Variants in ANKFY1 observed in about 807,000 individuals in gnomAD.
The protein encoded by ANKFY1 is ankyrin repeat and FYVE domain-containing protein 1.
ANKFY1 carries 47 observed loss-of-function variants against 128.3 expected under a neutral mutation model. The ratio of observed to expected loss-of-function variants is 0.37; its 90% CI spans 0.29 to 0.47. The LOEUF (loss-of-function observed/expected upper bound fraction) is 0.47. ANKFY1 is among the 20% of genes least tolerant of loss of function. The pLI, the probability that ANKFY1 is intolerant of heterozygous loss-of-function variation, is 1.00. For synonymous variants in ANKFY1, 553 were observed against 601.6 expected (o/e 0.92, Z 1.18); for missense variants, 1,222 against 1,510.6 (o/e 0.81, Z 3.17).
chr17:4,200,210 C>T (rs2059903247), intron 7 of ANKFY1, among the ~76,000 whole-genome samples: 2 of 151,934 alleles, frequency 1.3e-5, no homozygotes, highest in African/African-American at 2.4e-5. Context: ...TACAGGTGCA[C>T]GCCAACATAC....
chr17:4,208,557 T>C (rs1020246365), intron 5 of ANKFY1, among the ~76,000 whole-genome samples: 1 of 152,236 alleles, frequency 6.6e-6, no homozygotes, highest in African/African-American at 2.4e-5. Flanking sequence ...GTCCCTATTA[T>C]TGCAGATCTC....
At chr17:4,256,434 A>G (rs943971463) in intron 1 of ANKFY1, among the ~76,000 whole-genome samples, 2 of 152,164 alleles carry the variant, frequency 1.3e-5, no homozygotes, top group Non-Finnish European at 2.9e-5. Context: ...TCTCAAAAAA[A>G]GAAAAAACTC....
chr17:4,249,877 C>T (rs556417205), intron 1 of ANKFY1, among the ~76,000 whole-genome samples: 12 of 150,964 alleles, frequency 7.9e-5, no homozygotes, highest in Non-Finnish European at 1.6e-4. Context: ...GCCTTACCTC[C>T]CTAACCTTCT....
At chr17:4,217,591 T>C (rs2060242188) in intron 3 of ANKFY1, among the ~76,000 whole-genome samples, 1 of 152,182 alleles carries the variant, frequency 6.6e-6, no homozygotes, top group Admixed American at 6.5e-5. Flanking sequence ...TGACTAAACT[T>C]TCGCAGTGGG....
intron 3 of ANKFY1, 65 bp downstream of exon 3, chr17:4,235,707 C>A: frequency 1.7e-6 from 2 of 1,161,128 alleles, no homozygotes; most frequent in Non-Finnish European, 2.6e-6. Flanking sequence ...AAATGAGACA[C>A]CACAACCTTC....
At position 4,226,049 on chromosome 17, in the gene ANKFY1, A is replaced by C. The variant is rs932775471; in HGVS notation, c.323-8931T>G. ...AAGTGTGGGATTACAGGCGTGAGCC[A>C]CTGAACTTGGCAAAAATTATTTTAA... On this transcript the variant is annotated intron_variant, in intron 3 of 24. Transcript: ENST00000341657. Among the ~76,000 whole-genome samples the C allele has an allele frequency of 5.8e-4, 88 of 152,362 alleles. 1 individual carries two copies. Among genetic ancestry groups the C allele is most frequent in the East Asian group, 9.6e-4 (5 of 5,186 alleles).
At chr17:4,200,950 T>C (rs571604814) in intron 7 of ANKFY1, among the ~76,000 whole-genome samples, 73 of 152,348 alleles carry the variant, frequency 4.8e-4, no homozygotes, top group Middle Eastern at 6.8e-3. Flanking sequence ...GTTGCCTGTA[T>C]TCCTGTGCCC....
rs1204533225 is a variant in ANKFY1, at chr17:4,197,575, C to G, written c.901G>C (p.Asp301His). 1 of 1,613,930 alleles carries G rather than the reference C, an allele frequency of 6.2e-7. No homozygotes were observed. The change falls in exon 8 of 25, where the codon GAT becomes CAT. Residue 301 changes from aspartate (D) to histidine (H), a missense_variant and splice_region_variant. Coordinates refer to ENST00000341657, the MANE Select transcript of ANKFY1 (RefSeq NM_001330063.2). ...ATGAGGAAAGTGGCAGCAAAGAGAT[C>G]TCCTTGAAAAGAAATAATAGAAGAA... ...SLLHKGIQRG[D>H]LFAATFLIKN...
intron 3 of ANKFY1, among the ~76,000 whole-genome samples, chr17:4,227,881 G>A (rs1281002662): frequency 1.3e-5 from 2 of 152,114 alleles, no homozygotes; most frequent in African/African-American, 4.8e-5. Flanking sequence ...CGTTAGTCAG[G>A]ATGTGAAGCA....
intron 3 of ANKFY1, among the ~76,000 whole-genome samples, chr17:4,219,124 AG>A (rs1322998009): frequency 6.6e-6 from 1 of 152,206 alleles, no homozygotes; most frequent in Non-Finnish European, 1.5e-5. Flanking sequence ...TTTTTATTTA[AG>A]GAACATGCAT....
intron 1 of ANKFY1, among the ~76,000 whole-genome samples, chr17:4,254,384 G>A (rs1968008283): frequency 6.8e-6 from 1 of 147,636 alleles, no homozygotes; most frequent in South Asian, 2.1e-4. Context: ...TGTGAACACA[G>A]AACAGAGAGA....
At chr17:4,242,141 T>C (rs540798971) in intron 2 of ANKFY1, 115 bp downstream of exon 2, 2 of 1,109,900 alleles carry the variant, frequency 1.8e-6, no homozygotes, top group Admixed American at 6.1e-5. Context: ...AGGGAATCGA[T>C]TTGCTAATAT....
intron 5 of ANKFY1, among the ~76,000 whole-genome samples, chr17:4,209,323 C>T (rs904963093): frequency 3.3e-5 from 5 of 152,066 alleles, no homozygotes; most frequent in Admixed American, 6.6e-5. Context: ...GGGCGGGAGA[C>T]GGAGTCTCGC....
chr17:4,250,460 T>C (rs1037939506), intron 1 of ANKFY1, among the ~76,000 whole-genome samples: 11 of 152,180 alleles, frequency 7.2e-5, no homozygotes, highest in African/African-American at 2.2e-4. Flanking sequence ...AAATGTGCAA[T>C]GCATGCACAC....
intron 3 of ANKFY1, among the ~76,000 whole-genome samples, chr17:4,224,357 G>A (rs527726276): frequency 6.6e-6 from 1 of 151,696 alleles, no homozygotes; most frequent in East Asian, 1.9e-4. Flanking sequence ...TGAGAAGCTG[G>A]GACTACAGGT....
chr17:4,249,737 G>A (rs1224837760), intron 1 of ANKFY1, among the ~76,000 whole-genome samples: 1 of 152,078 alleles, frequency 6.6e-6, no homozygotes, highest in Non-Finnish European at 1.5e-5. Context: ...TCAGAAACAG[G>A]CTCACAGTAA....
chr17:4,249,126 C>A (rs1357105279), intron 1 of ANKFY1: 1 of 985,096 alleles, frequency 1.0e-6, no homozygotes, highest in Non-Finnish European at 1.2e-6. Flanking sequence ...AGAAGAGAAA[C>A]CAAGAATGAT....
intron 10 of ANKFY1, among the ~76,000 whole-genome samples, chr17:4,190,463 T>C (rs2059698569): frequency 6.6e-6 from 1 of 151,832 alleles, no homozygotes; most frequent in African/African-American, 2.4e-5. Context: ...AAAAGAAATG[T>C]CTACAGATGT....
intron 3 of ANKFY1, among the ~76,000 whole-genome samples, chr17:4,232,746 T>C (rs1295233927): frequency 1.3e-5 from 2 of 152,242 alleles, no homozygotes; most frequent in African/African-American, 4.8e-5. Flanking sequence ...CAGCACTGAA[T>C]TAAAGCTCTA....
Sources: gnomAD v4.1 joint callset for allele counts (sites outside exome capture counted in the v4.1 genomes callset) on GRCh38, gnomAD v4.1.1 for gene constraint, MANE v1.5 for transcripts, NCBI Gene and HGNC (gene_info 2026-07-23, HGNC 2026-07-21) for gene names.